HOOK1: variants seen among roughly 807,000 people sequenced by gnomAD.
The protein encoded by HOOK1 is protein Hook homolog 1.
A neutral mutation model predicts 112.8 loss-of-function variants in HOOK1; 60 were observed. The ratio of observed to expected loss-of-function variants is 0.53; its 90% CI spans 0.43 to 0.66. The LOEUF (loss-of-function observed/expected upper bound fraction) is 0.66. Among genes scored for constraint, HOOK1 ranks in the 30% least tolerant of loss-of-function variants. HOOK1 has a pLI of 0.00. For synonymous variants in HOOK1, 294 were observed against 283.8 expected, an observed-to-expected ratio of 1.04 and a Z score of -0.36; for missense variants, 770 against 856.0, an observed-to-expected ratio of 0.90 and a Z score of 1.25.
In HOOK1 at chr1:59,855,841, T is replaced by C. The variant is rs2098410165; in HGVS notation, c.1243-2587T>C. On this transcript the variant is annotated intron_variant, in intron 12 of 21. Transcript: ENST00000371208. ...AGGCTGGAGTGCAGTGGCGCAGTCA[T>C]GGCTCATTGAAGCCTCAACCCCTTG... Among the ~76,000 whole-genome samples, 3 of 149,466 alleles carry C rather than the reference T, an allele frequency of 2.0e-5. No homozygotes were observed. The South Asian group carries it at 6.4e-4, about 32-fold the overall frequency.
chr1:59,815,200 AG>A lies in HOOK1; in HGVS notation c.63+23del. The A allele has an allele frequency of 6.5e-7, 1 of 1,541,100 alleles. No homozygotes were observed. On this transcript the variant is annotated intron_variant, in intron 1 of 21. Transcript: ENST00000371208. ...ATCTGGGTGAGTGCGAGGAGGCGAG[AG>A]GGCGAGGGGGCCAGGGGGCCGAGGC...
At position 59,870,984 on chromosome 1, in the gene HOOK1, T is replaced by C. The variant is rs188022433; in HGVS notation, c.1948-58T>C. ...TGAACATAGTGAAGAAATTATTCTATCTTTAGTAATTTGGGGTAATTTCTG... is the reference window on the plus strand; with the variant it reads ...TGAACATAGTGAAGAAATTATTCTACCTTTAGTAATTTGGGGTAATTTCTG... On this transcript the variant is annotated intron_variant, in intron 20 of 21. Transcript: ENST00000371208. 4.0e-5 allele frequency: 43 copies of C among 1,088,490 alleles called. No homozygotes were observed. The East Asian group carries it at 1.0e-3, about 25-fold the overall frequency. 67.4% of individuals were successfully genotyped at this position (1,088,490 alleles called of 1,614,324 possible). A position where few individuals can be genotyped will look rare whatever the true frequency, so the allele number is the denominator to read the frequency against.
chr1:59,838,604 T>C (rs887722141), intron 7 of HOOK1, among the ~76,000 whole-genome samples: 2 of 152,234 alleles, frequency 1.3e-5, no homozygotes, highest in Non-Finnish European at 1.5e-5. Flanking sequence ...ATTAGCCCTT[T>C]GTCAGATGGA....
In HOOK1 at chr1:59,828,783, T is replaced by C; in HGVS notation, c.153T>C (p.Asp51=). The change falls in exon 3 of 22, where the codon GAT becomes GAC. Residue 51 remains aspartate (D), a synonymous_variant. Coordinates refer to ENST00000371208, the MANE Select transcript of HOOK1 (RefSeq NM_015888.6). Reference sequence around the variant, plus strand: ...ATTTTTTTTGTTGTTGTTTCAGTGATGCAGCTTGGTTTAACGAATCTTGGT... The same window carrying C: ...ATTTTTTTTGTTGTTGTTTCAGTGACGCAGCTTGGTTTAACGAATCTTGGT... The part of the protein sequence containing the change: ...VAMAQVLHQI[D]AAWFNESWLS... 1 of 1,612,780 alleles carries C rather than the reference T, an allele frequency of 6.2e-7. No individual in the cohort carries two copies.
intron 1 of HOOK1, among the ~76,000 whole-genome samples, chr1:59,820,809 T>G (rs554257698): frequency 6.6e-6 from 1 of 152,306 alleles, no homozygotes; most frequent in South Asian, 2.1e-4. Flanking sequence ...GTGGTTTTCC[T>G]TTGTAGCCCC....
At chr1:59,820,266 A>G (rs1281562653) in intron 1 of HOOK1, among the ~76,000 whole-genome samples, 1 of 152,218 alleles carries the variant, frequency 6.6e-6, no homozygotes, top group East Asian at 1.9e-4. Flanking sequence ...GCCACATGCC[A>G]GGCCCTGATA....
chr1:59,828,689 G>C, intron 2 of HOOK1, 91 bp from the exon 3 acceptor site: 3 of 988,334 alleles, frequency 3.0e-6, no homozygotes, highest in Non-Finnish European at 4.6e-6. Context: ...TAGGCTTTAA[G>C]ACATAAAGTA....
At chr1:59,858,240 A>C (rs1247544427) in intron 12 of HOOK1, among the ~76,000 whole-genome samples, 188 bp from the exon 13 acceptor site, 1 of 152,212 alleles carries the variant, frequency 6.6e-6, no homozygotes, top group Non-Finnish European at 1.5e-5. Context: ...CTGATGGGAA[A>C]GTCAAAACCA....
intron 17 of HOOK1, 155 bp from the exon 18 acceptor site, chr1:59,865,008 T>C: frequency 1.7e-6 from 1 of 598,524 alleles, no homozygotes; most frequent in Non-Finnish European, 3.0e-6. Context: ...ACCTGCCGTG[T>C]GCCTGACTGT....
chr1:59,835,413 G>T lies in HOOK1; in HGVS notation c.474+1G>T. On this transcript the variant is annotated splice_donor_variant, in intron 6 of 21. Coordinates refer to ENST00000371208, the MANE Select transcript of HOOK1 (RefSeq NM_015888.6). LOFTEE classifies it high-confidence loss of function. ...TGTGGTCATGACTGCTATTCAAGAG[G>T]TAAGTTATATCATGTTCCTATGAGT... The T allele has an allele frequency of 6.5e-7, 1 of 1,538,352 alleles. No individual in the cohort carries two copies. The highest frequency in any genetic ancestry group is 9.0e-7 in the Non-Finnish European group (1 of 1,112,962).
intron 12 of HOOK1, among the ~76,000 whole-genome samples, chr1:59,852,746 G>T (rs1289042049): frequency 6.7e-6 from 1 of 150,226 alleles, no homozygotes; most frequent in Non-Finnish European, 1.5e-5. Context: ...TATTGATTTG[G>T]AATTTTTCTT....
chr1:59,866,776 G>A (rs559732301), intron 19 of HOOK1, among the ~76,000 whole-genome samples: 2 of 152,298 alleles, frequency 1.3e-5, no homozygotes, highest in South Asian at 4.1e-4. Context: ...ATACTTAGTT[G>A]TGTGGGATAT....
intron 3 of HOOK1, among the ~76,000 whole-genome samples, chr1:59,831,910 C>T (rs983634817): frequency 2.3e-4 from 35 of 152,266 alleles, no homozygotes; most frequent in African/African-American, 7.9e-4. Flanking sequence ...GCTGGACATG[C>T]CTGTGTATAA....
chr1:59,830,940 G>A (rs568288078), intron 3 of HOOK1, among the ~76,000 whole-genome samples: 106 of 143,244 alleles, frequency 7.4e-4, no homozygotes, highest in African/African-American at 2.6e-3. Context: ...TCGCTCTTAC[G>A]CCCAGCCTGG....
chr1:59,850,791 C>T (rs1285056232), intron 12 of HOOK1, among the ~76,000 whole-genome samples: 2 of 151,388 alleles, frequency 1.3e-5, no homozygotes, highest in Non-Finnish European at 3.0e-5. Flanking sequence ...AGCATTGGCT[C>T]ATCAATTCTA....
intron 9 of HOOK1, among the ~76,000 whole-genome samples, chr1:59,844,467 G>T (rs1013991838): frequency 5.9e-5 from 9 of 151,848 alleles, no homozygotes; most frequent in African/African-American, 2.2e-4. Context: ...ATTTGTGCCT[G>T]TATGACACTA....
Position 59,868,275 on chromosome 1 carries a change from T to C in HOOK1, c.1871T>C (p.Leu624Ser). 6.2e-7 allele frequency: 1 copy of C among 1,608,244 alleles called. No individual in the cohort carries two copies. Among genetic ancestry groups the C allele is most frequent in the Non-Finnish European group, 8.5e-7 (1 of 1,175,646 alleles). Residue 624 changes from leucine (L) to serine (S), a missense_variant, in exon 20 of 22, where the codon TTA becomes TCA. By Grantham distance (145) the Leu-to-Ser change is moderately radical. Around this residue, in one of 3 missense-constraint regions of HOOK1, gnomAD observed 655 missense variants for 725.9 expected, o/e 0.90. Coordinates refer to ENST00000371208, the MANE Select transcript of HOOK1 (RefSeq NM_015888.6). ...RNVIKTLDPK[L>S]NPASAEIMLL... ...GTAATAAAAACTTTGGATCCCAAGTTAAATCCAGCATCAGCTGAAATAATG... is the reference window on the plus strand; with the variant it reads ...GTAATAAAAACTTTGGATCCCAAGTCAAATCCAGCATCAGCTGAAATAATG...
chr1:59,865,062 C>T, intron 17 of HOOK1, 101 bp from the exon 18 acceptor site: 1 of 732,276 alleles, frequency 1.4e-6, no homozygotes, highest in Non-Finnish European at 2.5e-6. Context: ...GATAGTATTC[C>T]CATTTCACAG....
chr1:59,819,172 C>T (rs1340278090), intron 1 of HOOK1, among the ~76,000 whole-genome samples: 3 of 94,478 alleles, frequency 3.2e-5, no homozygotes, highest in African/African-American at 1.3e-4. Flanking sequence ...TTTTTTGAGG[C>T]GAAGTCTCAC....
Sources: allele counts gnomAD v4.1 joint callset (sites outside exome capture counted in the v4.1 genomes callset), GRCh38; gene constraint gnomAD v4.1.1; regional missense constraint gnomAD v4.1.1; transcripts MANE v1.5; gene names NCBI Gene and HGNC (gene_info 2026-07-23, HGNC 2026-07-21).